Variants in SLC39A11 observed in about 807,000 individuals in gnomAD.
SLC39A11 encodes zinc transporter ZIP11.
In SLC39A11, 33 loss-of-function variants were observed where a neutral mutation model predicts 36.1. The observed-to-expected ratio is 0.91, with a 90% CI of 0.69 to 1.22. The LOEUF is 1.22. Ranked by LOEUF, SLC39A11 falls within the 50% of genes most tolerant of loss-of-function variation. SLC39A11 has a pLI of 0.00. For missense variants in SLC39A11, 432 were observed against 430.3 expected (o/e 1.00, Z -0.03); for synonymous variants, 166 against 170.3 (o/e 0.97, Z 0.20).
intron 6 of SLC39A11, among the ~76,000 whole-genome samples, chr17:72,775,013 C>T (rs1390474701): frequency 6.6e-6 from 1 of 151,880 alleles, no homozygotes; most frequent in Non-Finnish European, 1.5e-5. Flanking sequence ...AAAAAATAAG[C>T]TCGTGGCACC....
At position 72,836,343 on chromosome 17, in the gene SLC39A11, G is replaced by A. The variant is rs575661594; in HGVS notation, c.601+13291C>T. The stretch of plus-strand genomic sequence containing the variant: ...TACCCATCATTGCTTGTGTGGCCTC[G>A]GGCTTTTTTTTTTTTGAGACAGGGT... On this transcript the variant is annotated intron_variant, in intron 6 of 9. Coordinates refer to ENST00000255559, the MANE Select transcript of SLC39A11 (RefSeq NM_139177.4). Among the ~76,000 whole-genome samples the A allele has an allele frequency of 3.7e-4, 44 of 120,344 alleles. No homozygotes were observed. In the South Asian group the frequency reaches 0.011, roughly 30 times the overall value. 79.0% of individuals were successfully genotyped at this position (120,344 alleles called of 152,430 possible).
chr17:72,742,380 C>T (rs1336383124), intron 6 of SLC39A11, among the ~76,000 whole-genome samples: 1 of 152,156 alleles, frequency 6.6e-6, no homozygotes, highest in Non-Finnish European at 1.5e-5. Context: ...AGAATATGAA[C>T]TTCGAGAACA....
rs938422656 is a variant in SLC39A11, at chr17:72,823,902, C to T, written c.601+25732G>A. 20 of 151,090 alleles carry T rather than the reference C, an allele frequency of 1.3e-4. 2 individuals are homozygous for T. The highest frequency in any genetic ancestry group is 3.4e-4 in the African/African-American group (14 of 41,286). 9.4% of individuals were successfully genotyped at this position (151,090 alleles called of 1,614,324 possible). On this transcript the variant is annotated intron_variant, in intron 6 of 9. Transcript: ENST00000255559. Reference sequence around the variant, plus strand: ...TGGAAACCTGTAGAGAGCAAACAAGCGTAGATCCTTGAACTTGGTAATGAA... The same window carrying T: ...TGGAAACCTGTAGAGAGCAAACAAGTGTAGATCCTTGAACTTGGTAATGAA...
At chr17:72,866,849 T>C (rs977749189) in intron 5 of SLC39A11, among the ~76,000 whole-genome samples, 1 of 152,244 alleles carries the variant, frequency 6.6e-6, no homozygotes, top group Non-Finnish European at 1.5e-5. Context: ...CTAAATACTT[T>C]ATTTAGCTAA....
chr17:73,046,559 T>C (rs1301025592), intron 3 of SLC39A11, among the ~76,000 whole-genome samples: 1 of 152,192 alleles, frequency 6.6e-6, no homozygotes, highest in East Asian at 1.9e-4. Context: ...TATAAGCATG[T>C]CCCTAATACT....
intron 4 of SLC39A11, among the ~76,000 whole-genome samples, chr17:73,015,204 A>G (rs904024186): frequency 6.6e-6 from 1 of 152,170 alleles, no homozygotes; most frequent in Non-Finnish European, 1.5e-5. Flanking sequence ...GATCTTCTGC[A>G]CGGTTCCTTC....
At position 72,698,859 on chromosome 17, in the gene SLC39A11, C is replaced by T. The variant is rs1335975499; in HGVS notation, c.671+37791G>A. ...TTTTTGTTTTGTTTTGAGAGGGAGT[C>T]TCGCTCTGTCGCCCAGGCTGGAGTG... On this transcript the variant is annotated intron_variant, in intron 7 of 9. Coordinates refer to ENST00000255559, the MANE Select transcript of SLC39A11 (RefSeq NM_139177.4). Among the ~76,000 whole-genome samples, 4 of 152,152 alleles carry T rather than the reference C, an allele frequency of 2.6e-5. No homozygotes were observed. In the East Asian group the frequency reaches 7.7e-4, roughly 29 times the overall value.
At chr17:72,730,613 A>G (rs897998496) in intron 7 of SLC39A11, among the ~76,000 whole-genome samples, 1 of 151,992 alleles carries the variant, frequency 6.6e-6, no homozygotes, top group Non-Finnish European at 1.5e-5. Flanking sequence ...TCCCTCCTCC[A>G]TCCTATACCT....
At chr17:72,943,592 T>C (rs544593225) in intron 5 of SLC39A11, among the ~76,000 whole-genome samples, 104 of 152,254 alleles carry the variant, frequency 6.8e-4, no homozygotes, top group African/African-American at 2.5e-3. Flanking sequence ...CCCCAACACT[T>C]CAGAAAGATT....
chr17:72,904,764 A>T (rs533781564), intron 5 of SLC39A11, among the ~76,000 whole-genome samples: 1 of 152,294 alleles, frequency 6.6e-6, no homozygotes, highest in East Asian at 1.9e-4. Context: ...GATATAAGTG[A>T]TTCTCTCACA....
intron 6 of SLC39A11, among the ~76,000 whole-genome samples, chr17:72,773,991 G>A (rs539330473): frequency 2.6e-5 from 4 of 152,274 alleles, no homozygotes; most frequent in South Asian, 2.1e-4. Flanking sequence ...TGGCATTAAC[G>A]AAGCCAGACG....
At chr17:72,793,025 G>A (rs1477951041) in intron 6 of SLC39A11, among the ~76,000 whole-genome samples, 2 of 152,148 alleles carry the variant, frequency 1.3e-5, no homozygotes. Context: ...AGCATTTCGG[G>A]CAAATTACAA....
intron 7 of SLC39A11, among the ~76,000 whole-genome samples, chr17:72,678,654 G>A (rs984275263): frequency 2.0e-5 from 3 of 151,894 alleles, no homozygotes; most frequent in East Asian, 1.9e-4. Flanking sequence ...GTAGTGAGCC[G>A]AGATTGCGCC....
intron 5 of SLC39A11, among the ~76,000 whole-genome samples, chr17:72,872,475 G>C (rs192715869): frequency 2.0e-5 from 3 of 152,332 alleles, no homozygotes; most frequent in East Asian, 3.9e-4. Flanking sequence ...GTAACAACGT[G>C]GGGGCAGTGG....
intron 5 of SLC39A11, among the ~76,000 whole-genome samples, chr17:72,938,191 CTA>C: frequency 6.6e-6 from 1 of 152,144 alleles, no homozygotes; most frequent in Non-Finnish European, 1.5e-5. Context: ...GAACAGAATG[CTA>C]GCATACCTGC....
At chr17:72,741,382 T>C (rs905055962) in intron 6 of SLC39A11, among the ~76,000 whole-genome samples, 1 of 152,190 alleles carries the variant, frequency 6.6e-6, no homozygotes, top group Non-Finnish European at 1.5e-5. Flanking sequence ...TCACTGTGAG[T>C]GGCACCATAT....
chr17:72,817,554 A>G (rs2077624922), intron 6 of SLC39A11, among the ~76,000 whole-genome samples: 1 of 152,230 alleles, frequency 6.6e-6, no homozygotes, highest in Non-Finnish European at 1.5e-5. Context: ...AAAAACCCAC[A>G]TCCAAACCAC....
At chr17:73,089,765 C>G (rs75327718) in intron 1 of SLC39A11, 2,642 of 152,336 alleles carry the variant, frequency 0.017, 36 homozygotes, top group Non-Finnish European at 0.026. Flanking sequence ...AATGGAATGT[C>G]CCCTGGTCAA....
rs367761536 is a variant in SLC39A11, at chr17:72,804,775, T to C, written c.601+44859A>G. Among the ~76,000 whole-genome samples the C allele has an allele frequency of 2.0e-3, 307 of 152,240 alleles. 2 individuals carry two copies. The highest frequency in any genetic ancestry group is 6.9e-3 in the African/African-American group (287 of 41,552). ...CAGTGGCTCACACCTGTAATCCCAGTGCTCTGGGAGGCCGAGGCAGCGGAT... is the reference window on the plus strand; with the variant it reads ...CAGTGGCTCACACCTGTAATCCCAGCGCTCTGGGAGGCCGAGGCAGCGGAT... On this transcript the variant is annotated intron_variant, in intron 6 of 9. Transcript: ENST00000255559.
Sources: gnomAD v4.1 joint callset for allele counts (sites outside exome capture counted in the v4.1 genomes callset) on GRCh38, gnomAD v4.1.1 for gene constraint, MANE v1.5 for transcripts, NCBI Gene and HGNC (gene_info 2026-07-23, HGNC 2026-07-21) for gene names.